The following C4orf36 variants were observed in gnomAD, a reference collection of about 807,000 sequenced individuals.
The protein encoded by C4orf36 is uncharacterized protein C4orf36.
C4orf36 carries 11 observed loss-of-function variants against 12.2 expected under a neutral mutation model. That is an observed-to-expected ratio of 0.90 (90% confidence interval 0.57 to 1.49). The LOEUF (loss-of-function observed/expected upper bound fraction) is 1.49. C4orf36 is among the 40% of genes most tolerant of loss of function. The probability of loss-of-function intolerance (pLI) is 0.00; values close to 1 mark genes in which losing one functional copy is unlikely to be tolerated. For synonymous variants in C4orf36, 54 were observed against 51.3 expected, an observed-to-expected ratio of 1.05 and a Z score of -0.22; for missense variants, 137 against 133.9, an observed-to-expected ratio of 1.02 and a Z score of -0.11.
intron 3 of C4orf36, 32 bp downstream of exon 3, chr4:86,888,089 T>C: frequency 3.1e-6 from 5 of 1,600,658 alleles, no homozygotes; most frequent in Non-Finnish European, 3.4e-6. Context: ...ACTGAATTTA[T>C]AACTTATTAA....
Position 86,889,075 on chromosome 4 carries a change from C to A in C4orf36, c.66-800G>T, listed in dbSNP as rs191180909. Among the ~76,000 whole-genome samples the A allele has an allele frequency of 1.4e-3, 218 of 152,270 alleles. 1 individual carries two copies. Among genetic ancestry groups the A allele is most frequent in the Non-Finnish European group, 2.5e-3 (172 of 68,032 alleles). On this transcript the variant is annotated intron_variant, in intron 2 of 4. Coordinates refer to ENST00000295898, the MANE Select transcript of C4orf36 (RefSeq NM_144645.4). The stretch of plus-strand genomic sequence containing the variant: ...CAAACAAAAAAACATGGAGGCCGGG[C>A]ATGGTGGCTCACGCCTGTAATCCCA...
At chr4:86,893,113 C>T (rs1747494834), upstream of C4orf36, among the ~76,000 whole-genome samples, 1 of 152,196 alleles carries the variant, frequency 6.6e-6, no homozygotes, top group South Asian at 2.1e-4. Flanking sequence ...GATTCTCCGC[C>T]ACGTGATAAA....
chr4:86,903,673 G>C, the C4orf36 span, among the ~76,000 whole-genome samples: 1 of 152,136 alleles, frequency 6.6e-6, no homozygotes, highest in African/African-American at 2.4e-5. Flanking sequence ...CAAGCAAGTT[G>C]CCGCTGCTTG....
the C4orf36 span, among the ~76,000 whole-genome samples, chr4:86,917,852 A>C: frequency 3.9e-3 from 509 of 129,722 alleles, 1 homozygote; most frequent in Non-Finnish European, 5.7e-3. Context: ...TACTGTACTG[A>C]ATACTATTGG....
the C4orf36 span, among the ~76,000 whole-genome samples, chr4:86,934,206 A>G: frequency 1.3e-5 from 2 of 152,226 alleles, no homozygotes; most frequent in African/African-American, 2.4e-5. Context: ...CATCTGGGCC[A>G]TTTGATGTAA....
At chr4:86,906,728 CAAA>C in the C4orf36 span, among the ~76,000 whole-genome samples, 1 of 78,828 alleles carries the variant, frequency 1.3e-5, no homozygotes, top group Non-Finnish European at 2.2e-5. Flanking sequence ...AAGACGGTCT[CAAA>C]AAAAAAAAAA....
chr4:86,896,353 C>T (rs1008986779), upstream of C4orf36, among the ~76,000 whole-genome samples: 3 of 152,114 alleles, frequency 2.0e-5, no homozygotes, highest in Admixed American at 6.6e-5. Context: ...GTATGTGTAT[C>T]GTCATTCTCA....
chr4:86,876,342 A>G lies in C4orf36; in HGVS notation c.*104T>C. On this transcript the variant is annotated 3_prime_UTR_variant, in exon 5 of 5. Coordinates refer to ENST00000295898, the MANE Select transcript of C4orf36 (RefSeq NM_144645.4). ...GTGGGGGCCGGGCCAGGATGGCTGC[A>G]GCGCAGCGACGGCCGGGGCCGGGAG... 3.2e-6 allele frequency: 5 copies of G among 1,539,614 alleles called. No individual in the cohort carries two copies. The highest frequency in any genetic ancestry group is 4.4e-6 in the Non-Finnish European group (5 of 1,144,728).
the C4orf36 span, among the ~76,000 whole-genome samples, chr4:86,924,470 G>A: frequency 6.6e-6 from 1 of 152,164 alleles, no homozygotes; most frequent in Non-Finnish European, 1.5e-5. Context: ...CAAAGTGCTA[G>A]GATTACAGGC....
At chr4:86,919,605 A>G in the C4orf36 span, among the ~76,000 whole-genome samples, 1 of 152,086 alleles carries the variant, frequency 6.6e-6, no homozygotes, top group South Asian at 2.1e-4. Flanking sequence ...GATTACAGGC[A>G]TGAGCTACTG....
At position 86,890,213 on chromosome 4, in the gene C4orf36, GGAAGGAAGGAAGGAAGGAAGGA is replaced by G. The variant is rs1747348308; in HGVS notation, c.65+1221_65+1242del. On this transcript the variant is annotated intron_variant, in intron 2 of 4. Transcript: ENST00000295898. ...AGGGAGGGAGGGAGGGAGGGAGGAA[GGAAGGAAGGAAGGAAGGAAGGA>G]AGGAAACTGAGGTGCAGAGAACAAC... 6 of 305,052 alleles carry G rather than the reference GGAAGGAAGGAAGGAAGGAAGGA, an allele frequency of 2.0e-5. No homozygotes were observed. In the East Asian group the frequency reaches 6.5e-4, roughly 33 times the overall value. The allele number at this position is 305,052 out of a possible 1,614,324, so 18.9% of individuals were successfully genotyped here. A position where few individuals can be genotyped will look rare whatever the true frequency, so the allele number is the denominator to read the frequency against.
At chr4:86,891,655 T>A in intron 1 of C4orf36, 62 bp from the exon 2 acceptor site, 2 of 1,423,718 alleles carry the variant, frequency 1.4e-6, no homozygotes, top group African/African-American at 1.5e-5. Context: ...AGCCAAATAA[T>A]AGAAAAAAAT....
the C4orf36 span, among the ~76,000 whole-genome samples, chr4:86,903,385 C>A: frequency 6.6e-6 from 1 of 152,188 alleles, no homozygotes; most frequent in Non-Finnish European, 1.5e-5. Flanking sequence ...GTGGTGCACA[C>A]CTGTAGACCC....
chr4:86,885,475 T>G (rs1024607501), intron 4 of C4orf36, among the ~76,000 whole-genome samples: 1 of 152,228 alleles, frequency 6.6e-6, no homozygotes, highest in Admixed American at 6.5e-5. Flanking sequence ...GAATGGGAGT[T>G]CATTCACGAT....
the C4orf36 span, among the ~76,000 whole-genome samples, chr4:86,928,749 C>A: frequency 3.3e-5 from 5 of 152,136 alleles, no homozygotes; most frequent in African/African-American, 7.2e-5. Flanking sequence ...ATATTGATGT[C>A]TTTTTAGTTT....
At chr4:86,880,873 C>A (rs1474146116) in intron 4 of C4orf36, among the ~76,000 whole-genome samples, 2 of 151,970 alleles carry the variant, frequency 1.3e-5, no homozygotes, top group Non-Finnish European at 2.9e-5. Context: ...AAAATCCTGT[C>A]TCTACTAAAA....
chr4:86,895,855 G>A (rs1424242945), upstream of C4orf36, among the ~76,000 whole-genome samples: 1 of 151,896 alleles, frequency 6.6e-6, no homozygotes, highest in Non-Finnish European at 1.5e-5. Flanking sequence ...TTTCTATTAG[G>A]TAAGGCTTCA....
chr4:86,893,861 A>AATTT (rs568556400), upstream of C4orf36, among the ~76,000 whole-genome samples: 12 of 143,898 alleles, frequency 8.3e-5, no homozygotes, highest in African/African-American at 3.1e-4. Context: ...TTTTGGCCTG[A>AATTT]ATTTTTATTT....
At chr4:86,902,246 C>T in the C4orf36 span, among the ~76,000 whole-genome samples, 1 of 151,854 alleles carries the variant, frequency 6.6e-6, no homozygotes, top group Non-Finnish European at 1.5e-5. Flanking sequence ...CGTAGTGAAA[C>T]CCCATCTCTT....
Sources: gnomAD v4.1 joint callset for allele counts (sites outside exome capture counted in the v4.1 genomes callset) on GRCh38, gnomAD v4.1.1 for gene constraint, MANE v1.5 for transcripts, NCBI Gene and HGNC (gene_info 2026-07-23, HGNC 2026-07-21) for gene names.